FAXC: variants seen among roughly 807,000 people sequenced by gnomAD.
The protein encoded by FAXC is failed axon connections homolog, metaxin like GST domain containing.
In FAXC, 10 loss-of-function variants were observed where a neutral mutation model predicts 41.9. The observed-to-expected ratio is 0.24, with a 90% CI of 0.15 to 0.41. The LOEUF is 0.41. Ranked by LOEUF, FAXC falls within the 10% of genes least tolerant of loss-of-function variation. FAXC has a pLI of 1.00. For synonymous variants in FAXC, 183 were observed against 183.8 expected, an observed-to-expected ratio of 1.00 and a Z score of 0.03; for missense variants, 399 against 510.9, an observed-to-expected ratio of 0.78 and a Z score of 2.11.
intron 4 of FAXC, among the ~76,000 whole-genome samples, chr6:99,293,740 T>C (rs964013711): frequency 7.4e-6 from 1 of 134,722 alleles, no homozygotes; most frequent in Non-Finnish European, 1.7e-5. Context: ...GTGTGTGCAT[T>C]TTATCTTTCC....
chr6:99,287,002 G>C (rs538558337), intron 5 of FAXC, among the ~76,000 whole-genome samples: 1 of 152,216 alleles, frequency 6.6e-6, no homozygotes, highest in Non-Finnish European at 1.5e-5. Context: ...TACCGAGCAA[G>C]AAATGTAGCC....
intron 3 of FAXC, among the ~76,000 whole-genome samples, chr6:99,329,417 A>G (rs770817614): frequency 1.3e-5 from 2 of 152,218 alleles, no homozygotes; most frequent in African/African-American, 2.4e-5. Flanking sequence ...ATGAATATTT[A>G]TAAGTGGGAA....
Position 99,274,809 on chromosome 6 carries a change from A to G in FAXC, c.*6355T>C, listed in dbSNP as rs1770541304. 1 of 152,238 alleles carries G rather than the reference A, an allele frequency of 6.6e-6. No homozygotes were observed. Among genetic ancestry groups the G allele is most frequent in the Non-Finnish European group, 1.5e-5 (1 of 68,050 alleles). The allele number at this position is 152,238 out of a possible 1,614,324, so 9.4% of individuals were successfully genotyped here. A position where few individuals can be genotyped will look rare whatever the true frequency, so the allele number is the denominator to read the frequency against. ...TCATTTGGACATGGTTTATATTTTA[A>G]TAAGCCAAATATAATCTCTTGTAGA... On this transcript the variant is annotated 3_prime_UTR_variant, in exon 6 of 6. Coordinates refer to ENST00000389677, the MANE Select transcript of FAXC (RefSeq NM_032511.4).
chr6:99,307,719 C>G (rs1458490054), intron 4 of FAXC, among the ~76,000 whole-genome samples: 1 of 152,062 alleles, frequency 6.6e-6, no homozygotes, highest in Non-Finnish European at 1.5e-5. Context: ...AGTGAGGTAA[C>G]TGCAGGGCTG....
intron 2 of FAXC, among the ~76,000 whole-genome samples, chr6:99,342,318 G>T (rs573800541): frequency 7.9e-5 from 12 of 151,958 alleles, no homozygotes; most frequent in Admixed American, 3.9e-4. Context: ...GGCTCAGTAG[G>T]CCTGTCCAAA....
At chr6:99,315,311 T>A (rs1038125583) in intron 4 of FAXC, among the ~76,000 whole-genome samples, 4 of 142,760 alleles carry the variant, frequency 2.8e-5, no homozygotes, top group African/African-American at 1.0e-4. Flanking sequence ...CACCTCTTCA[T>A]CACTACCACC....
At chr6:99,286,029 C>G (rs1360836128) in intron 5 of FAXC, among the ~76,000 whole-genome samples, 1 of 152,172 alleles carries the variant, frequency 6.6e-6, no homozygotes, top group African/African-American at 2.4e-5. Context: ...ACCTGCCAGC[C>G]CTTGGTCACG....
intron 4 of FAXC, among the ~76,000 whole-genome samples, chr6:99,305,175 A>G (rs1031201610): frequency 1.3e-5 from 2 of 152,206 alleles, no homozygotes; most frequent in African/African-American, 4.8e-5. Flanking sequence ...AGGAACTGAG[A>G]GCCTACAGTT....
intron 1 of FAXC, among the ~76,000 whole-genome samples, chr6:99,343,265 C>CCAATTAT (rs1424922131): frequency 6.6e-6 from 1 of 152,114 alleles, no homozygotes; most frequent in East Asian, 1.9e-4. Flanking sequence ...CATGATATTA[C>CCAATTAT]CATGACCCCA....
chr6:99,333,625 T>G, intron 2 of FAXC, 78 bp from the exon 3 acceptor site: 1 of 1,240,088 alleles, frequency 8.1e-7, no homozygotes, highest in Non-Finnish European at 1.1e-6. Flanking sequence ...GAAACAAACA[T>G]TCCAACCTTA....
intron 5 of FAXC, among the ~76,000 whole-genome samples, chr6:99,287,428 A>G (rs563844169): frequency 1.1e-3 from 174 of 152,282 alleles, no homozygotes; most frequent in Non-Finnish European, 2.1e-3. Flanking sequence ...GCAAATTATT[A>G]TTCATATTTA....
intron 2 of FAXC, among the ~76,000 whole-genome samples, chr6:99,337,129 C>T (rs1475182400): frequency 1.3e-5 from 2 of 151,986 alleles, no homozygotes; most frequent in Non-Finnish European, 2.9e-5. Flanking sequence ...AAATGGTTTA[C>T]CAAAAACACT....
chr6:99,340,203 G>A (rs932411830), intron 2 of FAXC, among the ~76,000 whole-genome samples: 33 of 151,976 alleles, frequency 2.2e-4, no homozygotes, highest in African/African-American at 7.5e-4. Flanking sequence ...CACTTCAAGC[G>A]ATTCTCCTGC....
chr6:99,339,556 A>G (rs1432424035), intron 2 of FAXC, among the ~76,000 whole-genome samples: 4 of 152,278 alleles, frequency 2.6e-5, no homozygotes, highest in African/African-American at 9.6e-5. Flanking sequence ...GGACAGACCA[A>G]AAAATTTAAG....
At chr6:99,319,691 C>T (rs1462308641) in intron 4 of FAXC, among the ~76,000 whole-genome samples, 1 of 152,128 alleles carries the variant, frequency 6.6e-6, no homozygotes, top group African/African-American at 2.4e-5. Flanking sequence ...CAATGAAGAA[C>T]GAAGGTACAC....
chr6:99,319,553 A>T (rs1178313223), intron 4 of FAXC, among the ~76,000 whole-genome samples: 1 of 152,104 alleles, frequency 6.6e-6, no homozygotes, highest in Non-Finnish European at 1.5e-5. Flanking sequence ...AGCACTTTGC[A>T]TGCATTACTT....
chr6:99,292,137 A>G (rs925745114), intron 4 of FAXC, among the ~76,000 whole-genome samples: 2 of 152,202 alleles, frequency 1.3e-5, no homozygotes, highest in South Asian at 2.1e-4. Flanking sequence ...CTCAAACTCA[A>G]GTAAAGCCTG....
chr6:99,307,778 G>A (rs1047343416), intron 4 of FAXC, among the ~76,000 whole-genome samples: 5 of 152,128 alleles, frequency 3.3e-5, no homozygotes, highest in African/African-American at 4.8e-5. Flanking sequence ...CAAGCGCTGC[G>A]ATGCCTACAG....
chr6:99,310,763 T>C (rs1340103280), intron 4 of FAXC, among the ~76,000 whole-genome samples: 4 of 152,260 alleles, frequency 2.6e-5, no homozygotes, highest in African/African-American at 4.8e-5. Flanking sequence ...TGTGCTAACA[T>C]GTGTGCGTAG....
Sources: gnomAD v4.1 joint callset for allele counts (sites outside exome capture counted in the v4.1 genomes callset) on GRCh38, gnomAD v4.1.1 for gene constraint, MANE v1.5 for transcripts, NCBI Gene and HGNC (gene_info 2026-07-23, HGNC 2026-07-21) for gene names.